The following DACH2 variants were observed in gnomAD, a reference collection of about 807,000 sequenced individuals.
The protein encoded by DACH2 is dachshund family transcription factor 2, also known as dachshund homolog 2.
A neutral mutation model predicts 35.8 loss-of-function variants in DACH2; 17 were observed. The observed-to-expected ratio is 0.48, with a 90% CI of 0.33 to 0.71. The LOEUF (loss-of-function observed/expected upper bound fraction) is 0.71, where lower values mean the gene tolerates loss of function less well. DACH2 is among the 30% of genes least tolerant of loss of function. DACH2 has a pLI of 0.02. For synonymous variants in DACH2, 195 were observed against 177.3 expected, an observed-to-expected ratio of 1.10 and a Z score of -0.79; for missense variants, 469 against 472.7, an observed-to-expected ratio of 0.99 and a Z score of 0.07.
At chrX:86,291,441 G>A (rs1321222965) in intron 1 of DACH2, among the ~76,000 whole-genome samples, 11 of 101,085 alleles carry the variant, frequency 1.1e-4, no homozygotes, top group African/African-American at 3.4e-4. Context: ...AATTGGCCTG[G>A]CCAGAACTTC....
At position 86,812,860 on chromosome X, in the gene DACH2, G is replaced by C. The variant is rs148179765; in HGVS notation, c.1245G>C (p.Glu415Asp). 1.3e-3 allele frequency: 1,560 copies of C among 1,187,787 alleles called. No homozygotes were observed. The highest frequency in any genetic ancestry group is 4.2e-3 in the Middle Eastern group (18 of 4,238). ...QMDHHLERME[E>D]VPVQIPIMKS... The stretch of plus-strand genomic sequence containing the variant: ...ATACTAATTTTGTTTTTGCAGAAGA[G>C]GTACCAGTTCAAATTCCAATAATGA... Residue 415 changes from glutamate to aspartate, a missense_variant, in exon 8 of 12, where the codon GAG becomes GAC. Physicochemically the swap from Glu to Asp is conservative, Grantham distance 45 (BLOSUM62 2). Around this residue, in one of 3 missense-constraint regions of DACH2, gnomAD observed 363 missense variants for 334.4 expected, o/e 1.09. Transcript: ENST00000373125.
At chrX:86,552,630 C>T in intron 3 of DACH2, among the ~76,000 whole-genome samples, 1 of 112,120 alleles carries the variant, frequency 8.9e-6, no homozygotes, top group Non-Finnish European at 1.9e-5. Context: ...GTATGCCTGA[C>T]TTTAGCTGCA....
At chrX:86,826,866 T>G (rs2147369452) in intron 11 of DACH2, among the ~76,000 whole-genome samples, 1 of 112,569 alleles carries the variant, frequency 8.9e-6, no homozygotes, top group South Asian at 3.6e-4. Context: ...TACTTGCTGC[T>G]AAATTATATA....
In DACH2 at chrX:86,704,954, C is replaced by A. The variant is rs186479375; in HGVS notation, c.932-9594C>A. Among the ~76,000 whole-genome samples the A allele has an allele frequency of 7.1e-4, 74 of 103,591 alleles. No individual in the cohort carries two copies. The East Asian group carries it at 0.021, about 30-fold the overall frequency. The allele number at this position is 103,591 out of a possible 115,157, so 90.0% of individuals were successfully genotyped here. A position where few individuals can be genotyped will look rare whatever the true frequency, so the allele number is the denominator to read the frequency against. ...AAAAAAGATAAATGCACATTTATAG[C>A]AGCACAATTCACAATTGCAAAAATA... On this transcript the variant is annotated intron_variant, in intron 5 of 11. Coordinates refer to ENST00000373125, the MANE Select transcript of DACH2 (RefSeq NM_053281.3).
chrX:86,769,199 A>G (rs2041963472), intron 7 of DACH2, among the ~76,000 whole-genome samples: 1 of 111,957 alleles, frequency 8.9e-6, no homozygotes, highest in African/African-American at 3.2e-5. Context: ...AAATTCACCA[A>G]CAAAATAGAT....
intron 5 of DACH2, among the ~76,000 whole-genome samples, chrX:86,702,619 A>G (rs1405988614): frequency 8.9e-6 from 1 of 111,806 alleles, no homozygotes; most frequent in Non-Finnish European, 1.9e-5. Context: ...CAGAAATTCA[A>G]AAGATTATTT....
chrX:86,472,361 GA>G (rs1393462358), intron 2 of DACH2, among the ~76,000 whole-genome samples: 4 of 111,627 alleles, frequency 3.6e-5, no homozygotes, highest in Non-Finnish European at 7.5e-5. Flanking sequence ...CTAGAAAGTA[GA>G]AAAGGTAGGG....
At chrX:86,546,404 C>CTTCTTCTTCCTT (rs774988785) in intron 3 of DACH2, among the ~76,000 whole-genome samples, 58 of 21,595 alleles carry the variant, frequency 2.7e-3, no homozygotes, top group Admixed American at 6.1e-3. Flanking sequence ...TCTTCTTCTT[C>CTTCTTCTTCCTT]CTTCTTCTTC....
At chrX:86,731,765 C>T (rs932087187) in intron 6 of DACH2, among the ~76,000 whole-genome samples, 2 of 111,783 alleles carry the variant, frequency 1.8e-5, no homozygotes, top group East Asian at 5.6e-4. Context: ...GGAAAATACA[C>T]CTGGCTAAGC....
intron 3 of DACH2, among the ~76,000 whole-genome samples, chrX:86,529,505 G>A (rs1419182054): frequency 2.0e-5 from 2 of 100,458 alleles, no homozygotes; most frequent in African/African-American, 3.8e-5. Flanking sequence ...ATGGAGTCTC[G>A]CTCGTCGCCC....
At chrX:86,575,346 T>C (rs1391422971) in intron 3 of DACH2, among the ~76,000 whole-genome samples, 3 of 110,711 alleles carry the variant, frequency 2.7e-5, no homozygotes, top group East Asian at 2.9e-4. Context: ...TGCAATGCAA[T>C]GGTGGGGGGG....
At chrX:86,685,169 T>TAAAGGC (rs2040927413) in intron 4 of DACH2, among the ~76,000 whole-genome samples, 1 of 111,637 alleles carries the variant, frequency 9.0e-6, no homozygotes, top group Non-Finnish European at 1.9e-5. Context: ...TTGTATTGTG[T>TAAAGGC]TGTTCACTTT....
intron 2 of DACH2, among the ~76,000 whole-genome samples, chrX:86,378,910 G>A (rs1291182784): frequency 9.0e-6 from 1 of 110,738 alleles, no homozygotes; most frequent in African/African-American, 3.3e-5. Context: ...CTTCAAAATA[G>A]GCAATATAGT....
chrX:86,223,989 G>A (rs919526861), intron 1 of DACH2, among the ~76,000 whole-genome samples: 5 of 111,491 alleles, frequency 4.5e-5, no homozygotes, highest in Non-Finnish European at 9.5e-5. Flanking sequence ...TATCAAAGAG[G>A]GTTCTCTTTG....
At chrX:86,567,568 G>T (rs777584624) in intron 3 of DACH2, among the ~76,000 whole-genome samples, 1 of 111,320 alleles carries the variant, frequency 9.0e-6, no homozygotes, top group Non-Finnish European at 1.9e-5. Flanking sequence ...TTTCTCCCTC[G>T]TTTATAAGAT....
intron 2 of DACH2, among the ~76,000 whole-genome samples, chrX:86,401,084 G>A (rs1471474283): frequency 1.8e-5 from 2 of 111,941 alleles, no homozygotes; most frequent in Non-Finnish European, 3.8e-5. Context: ...AATGGCAGGC[G>A]CTCCTCCCCC....
intron 4 of DACH2, among the ~76,000 whole-genome samples, chrX:86,675,918 T>C (rs2040821151): frequency 8.9e-6 from 1 of 111,790 alleles, no homozygotes; most frequent in Admixed American, 9.5e-5. Flanking sequence ...TAAAGTCTTT[T>C]TGAAACAATT....
At chrX:86,171,107 C>T (rs1012788895) in intron 1 of DACH2, among the ~76,000 whole-genome samples, 3 of 111,830 alleles carry the variant, frequency 2.7e-5, no homozygotes, top group Non-Finnish European at 5.7e-5. Context: ...TTGACTTTTC[C>T]TTTTAGTTTA....
At chrX:86,644,938 T>G (rs1249203845) in intron 3 of DACH2, among the ~76,000 whole-genome samples, 1 of 110,496 alleles carries the variant, frequency 9.1e-6, no homozygotes, top group Non-Finnish European at 1.9e-5. Flanking sequence ...ATGACTTAAA[T>G]GTATAACCAA....
Sources: gnomAD v4.1 joint callset for allele counts (sites outside exome capture counted in the v4.1 genomes callset) on GRCh38, gnomAD v4.1.1 for gene constraint, gnomAD v4.1.1 regional missense constraint, MANE v1.5 for transcripts, NCBI Gene and HGNC (gene_info 2026-07-23, HGNC 2026-07-21) for gene names.